The following ITGAV variants were observed in gnomAD, a reference collection of about 807,000 sequenced individuals.
ITGAV encodes integrin subunit alpha V, also known as integrin alpha-V.
Under a neutral mutation model 143.8 loss-of-function variants are expected in ITGAV, and 76 were observed. That is an observed-to-expected ratio of 0.53 (90% CI 0.44 to 0.64). The LOEUF (loss-of-function observed/expected upper bound fraction) is 0.64, where lower values mean the gene tolerates loss of function less well. Among genes scored for constraint, ITGAV ranks in the 30% least tolerant of loss-of-function variants. The probability of loss-of-function intolerance (pLI) is 0.00; values close to 1 mark genes in which losing one functional copy is unlikely to be tolerated. For missense variants in ITGAV, 1,193 were observed against 1,274.7 expected (o/e 0.94, Z 0.98); for synonymous variants, 453 against 446.7 (o/e 1.01, Z -0.18).
At position 186,623,010 on chromosome 2, in the gene ITGAV, G is replaced by A. The variant is rs553304414; in HGVS notation, c.408+580G>A. 2.6e-5 allele frequency among the ~76,000 whole-genome samples: 4 copies of A among 152,052 alleles called. No individual in the cohort carries two copies. In the South Asian group the frequency reaches 6.2e-4, roughly 24 times the overall value. The stretch of plus-strand genomic sequence containing the variant: ...AACTCCTGACCTCAGGTGAGCCACC[G>A]AGCCTGGCCACTTCCTCTCTTTGAA... On this transcript the variant is annotated intron_variant, in intron 3 of 29. Transcript: ENST00000261023.
At position 186,659,128 on chromosome 2, in the gene ITGAV, T is replaced by G; in HGVS notation, c.1810T>G (p.Leu604Val). 6.2e-7 allele frequency: 1 copy of G among 1,613,142 alleles called. No homozygotes were observed. The highest frequency in any genetic ancestry group is 8.5e-7 in the Non-Finnish European group (1 of 1,179,304). Reference sequence around the variant, plus strand: ...TAGAACAGCTGCTGATACAACAGGCTTGCAACCCATTCTTAACCAGTTCAC... The same window carrying G: ...TAGAACAGCTGCTGATACAACAGGCGTGCAACCCATTCTTAACCAGTTCAC... ...DYRTAADTTGLQPILNQFTPA... is the reference protein window; with the variant it reads ...DYRTAADTTGVQPILNQFTPA... The change falls in exon 18 of 30, where the codon TTG (leucine) becomes GTG (valine). Residue 604 changes from leucine (L) to valine (V), a missense_variant. Transcript: ENST00000261023.
intron 2 of ITGAV, among the ~76,000 whole-genome samples, chr2:186,616,908 G>A (rs2105677934): frequency 6.6e-6 from 1 of 151,430 alleles, no homozygotes; most frequent in East Asian, 2.0e-4. Flanking sequence ...TTTTTTTCAA[G>A]CAAATTTGTT....
intron 4 of ITGAV, among the ~76,000 whole-genome samples, chr2:186,629,562 T>A (rs1428454354): frequency 6.6e-6 from 1 of 151,858 alleles, no homozygotes; most frequent in African/African-American, 2.4e-5. Flanking sequence ...CTCTTGAGGC[T>A]ATTTTCTTTC....
In ITGAV at chr2:186,624,701, C is replaced by T. The variant is rs61763631; in HGVS notation, c.409-772C>T. Among the ~76,000 whole-genome samples the T allele has an allele frequency of 2.9e-3, 440 of 152,264 alleles. 1 individual carries two copies. The highest frequency in any genetic ancestry group is 0.01 in the African/African-American group (425 of 41,558). ...CTATGTTGTTAAAGCATTCATTACT[C>T]TACTGCTCTATGTGGTATTACAGTC... On this transcript the variant is annotated intron_variant, in intron 3 of 29. Transcript: ENST00000261023.
chr2:186,651,066 T>G (rs1179869092), intron 14 of ITGAV, among the ~76,000 whole-genome samples: 1 of 152,198 alleles, frequency 6.6e-6, no homozygotes. Flanking sequence ...ATTTCCCAAT[T>G]TCTTATATAT....
chr2:186,606,563 A>G (rs13395039), intron 2 of ITGAV, among the ~76,000 whole-genome samples: 3 of 151,852 alleles, frequency 2.0e-5, no homozygotes, highest in Non-Finnish European at 2.9e-5. Flanking sequence ...GACCCTCCCT[A>G]TTCCTTCATT....
chr2:186,658,858 C>G lies in ITGAV; in HGVS notation c.1720-180C>G, dbSNP rs546671330. On this transcript the variant is annotated intron_variant, in intron 17 of 29. Transcript: ENST00000261023. ...AACAAAAATTGACTAAAGGCTCTTA[C>G]TTGATAAGGATAATCTTCTTTTGGA... 1.1e-4 allele frequency among the ~76,000 whole-genome samples: 16 copies of G among 152,216 alleles called. No homozygotes were observed. The South Asian group carries it at 3.3e-3, about 32-fold the overall frequency.
intron 2 of ITGAV, among the ~76,000 whole-genome samples, chr2:186,621,317 T>C (rs1325814670): frequency 6.6e-6 from 1 of 152,192 alleles, no homozygotes; most frequent in Admixed American, 6.5e-5. Context: ...GTTACACTTA[T>C]CCCTAAATAC....
intron 11 of ITGAV, 56 bp from the exon 12 acceptor site, chr2:186,641,330 G>T: frequency 7.4e-7 from 1 of 1,357,620 alleles, no homozygotes; most frequent in Non-Finnish European, 1.1e-6. Flanking sequence ...GAAAGAAAAT[G>T]CCTACTAAGA....
intron 20 of ITGAV, 137 bp downstream of exon 20, chr2:186,664,778 C>T (rs1363464225): frequency 6.7e-6 from 7 of 1,045,134 alleles, no homozygotes; most frequent in South Asian, 3.1e-5. Context: ...GAGTGCCTAT[C>T]TTACATAATT....
intron 2 of ITGAV, among the ~76,000 whole-genome samples, chr2:186,617,693 A>G (rs1687403803): frequency 6.6e-6 from 1 of 152,196 alleles, no homozygotes; most frequent in Non-Finnish European, 1.5e-5. Flanking sequence ...TATGAAATAA[A>G]ATAATATTTA....
intron 2 of ITGAV, among the ~76,000 whole-genome samples, chr2:186,602,821 G>C (rs1325776712): frequency 1.3e-5 from 2 of 150,338 alleles, no homozygotes; most frequent in Non-Finnish European, 2.9e-5. Flanking sequence ...AGGTTGCAGT[G>C]AGCTGAGATT....
At chr2:186,609,017 T>C (rs757183739) in intron 2 of ITGAV, among the ~76,000 whole-genome samples, 2 of 152,154 alleles carry the variant, frequency 1.3e-5, no homozygotes, top group African/African-American at 2.4e-5. Flanking sequence ...TTTAAAACTT[T>C]TATAGTAGTG....
At position 186,590,112 on chromosome 2, in the gene ITGAV, G is replaced by A. The variant is rs199607564; in HGVS notation, c.-227G>A. 3.6e-4 allele frequency: 151 copies of A among 416,720 alleles called. 1 individual carries two copies. The East Asian group carries it at 5.8e-3, about 16-fold the overall frequency. The allele number at this position is 416,720 out of a possible 1,614,324, so 25.8% of individuals were successfully genotyped here. On this transcript the variant is annotated 5_prime_UTR_variant, in exon 1 of 30. Transcript: ENST00000261023. The stretch of plus-strand genomic sequence containing the variant: ...CGGAGCCGGAGGGAAGCAAAGGACC[G>A]TCTGCGCTGCTGTCCCCGCCCCGCG...
rs1057020264 is a variant in ITGAV at position 186,602,208 on chromosome 2, A to G, written c.316+57A>G. On this transcript the variant is annotated intron_variant, in intron 2 of 29. Transcript: ENST00000261023. Reference sequence around the variant, plus strand: ...GATTTCATTTGATTTTTTTTTTGCAATTGGTTTAGTTTAAATGTAGCCATT... The same window carrying G: ...GATTTCATTTGATTTTTTTTTTGCAGTTGGTTTAGTTTAAATGTAGCCATT... The G allele has an allele frequency of 1.5e-5, 22 of 1,494,546 alleles. No individual in the cohort carries two copies. In the Admixed American group the frequency reaches 1.6e-4, roughly 11 times the overall value. The allele number at this position is 1,494,546 out of a possible 1,614,324, so 92.6% of individuals were successfully genotyped here.
In ITGAV at chr2:186,675,859, G is replaced by A. The variant is rs1043420606; in HGVS notation, c.2860G>A (p.Ala954Thr). The A allele has an allele frequency of 1.9e-6, 3 of 1,609,142 alleles. No individual in the cohort carries two copies. Among genetic ancestry groups the A allele is most frequent in the Non-Finnish European group, 2.5e-6 (3 of 1,176,900 alleles). The change falls in exon 28 of 30, where the codon GCT becomes ACT. Residue 954 changes from alanine to threonine, a missense_variant. Coordinates refer to ENST00000261023, the MANE Select transcript of ITGAV (RefSeq NM_002210.5). Reference sequence around the variant, plus strand: ...TCATTCCTATTCTCTGAAGTCGTCTGCTTCATTTAATGTCATAGAGTTTCC... The same window carrying A: ...TCATTCCTATTCTCTGAAGTCGTCTACTTCATTTAATGTCATAGAGTTTCC... ...QNHSYSLKSS[A>T]SFNVIEFPYK...
chr2:186,600,301 C>A, intron 1 of ITGAV: 2 of 1,534,232 alleles, frequency 1.3e-6, no homozygotes, highest in South Asian at 1.2e-5. Context: ...TCCCTCATCC[C>A]CACCCCCCAC....
At chr2:186,661,434 A>G (rs1329106525) in intron 18 of ITGAV, among the ~76,000 whole-genome samples, 1 of 152,166 alleles carries the variant, frequency 6.6e-6, no homozygotes, top group Non-Finnish European at 1.5e-5. Context: ...CAGAAGCCAC[A>G]TGAGGCTTGC....
At chr2:186,637,003 A>G in intron 7 of ITGAV, 62 bp from the exon 8 acceptor site, 1 of 1,382,084 alleles carries the variant, frequency 7.2e-7, no homozygotes, top group South Asian at 1.2e-5. Context: ...ATGCTTACTC[A>G]GCAAGCCTGC....
Sources: allele counts gnomAD v4.1 joint callset (sites outside exome capture counted in the v4.1 genomes callset), GRCh38; gene constraint gnomAD v4.1.1; transcripts MANE v1.5; gene names NCBI Gene and HGNC (gene_info 2026-07-23, HGNC 2026-07-21).